RYR2: variants seen among roughly 807,000 people sequenced by gnomAD.
RYR2 encodes the protein cardiac muscle ryanodine receptor-calcium release channel.
A neutral mutation model predicts 601.1 loss-of-function variants in RYR2; 227 were observed. The observed-to-expected ratio is 0.38, with a 90% confidence interval of 0.34 to 0.42. The LOEUF (loss-of-function observed/expected upper bound fraction) is 0.42. RYR2 is among the 10% of genes least tolerant of loss of function. RYR2 has a pLI of 1.00. For synonymous variants in RYR2, 2,223 were observed against 2,175.1 expected (o/e 1.02, Z -0.61); for missense variants, 4,646 against 6,156.5 (o/e 0.75, Z 8.21).
At chr1:237,690,009 T>A (rs918613081) in intron 63 of RYR2, among the ~76,000 whole-genome samples, 22 of 152,178 alleles carry the variant, frequency 1.4e-4, no homozygotes, top group African/African-American at 5.3e-4. Context: ...CACACACGGC[T>A]AATTTTTAGT....
chr1:237,281,796 G>A (rs1690902244), intron 2 of RYR2, among the ~76,000 whole-genome samples: 1 of 152,182 alleles, frequency 6.6e-6, no homozygotes, highest in South Asian at 2.1e-4. Context: ...TACAGAATAG[G>A]GATTGTGGTT....
intron 10 of RYR2, among the ~76,000 whole-genome samples, chr1:237,390,976 T>TG (rs376159437): frequency 2.6e-4 from 39 of 152,168 alleles, no homozygotes; most frequent in Admixed American, 7.9e-4. Context: ...AGGGAGAAAA[T>TG]GAGTCAGCAG....
At chr1:237,120,310 T>C (rs1670632465) in intron 1 of RYR2, among the ~76,000 whole-genome samples, 1 of 152,202 alleles carries the variant, frequency 6.6e-6, no homozygotes, top group African/African-American at 2.4e-5. Context: ...ACTTTAGGAA[T>C]TATAGTGGCT....
At chr1:237,062,605 TA>T (rs2148253116) in intron 1 of RYR2, among the ~76,000 whole-genome samples, 1 of 152,330 alleles carries the variant, frequency 6.6e-6, no homozygotes, top group South Asian at 2.1e-4. Context: ...TTATTAATTC[TA>T]ATAGTTTATA....
Position 237,134,063 on chromosome 1 carries a change from A to T in RYR2, c.48+91494A>T, listed in dbSNP as rs531964417. On this transcript the variant is annotated intron_variant, in intron 1 of 104. Transcript: ENST00000366574. ...GGTCTGAAGTACCAAGCTCACTAGG[A>T]TGACTTCTGAATGATTCACCGCTGA... Among the ~76,000 whole-genome samples, 15 of 152,134 alleles carry T rather than the reference A, an allele frequency of 9.9e-5. No individual in the cohort carries two copies. In the South Asian group the frequency reaches 1.0e-3, roughly 11 times the overall value.
chr1:237,582,857 A>G (rs1674077660), intron 29 of RYR2, among the ~76,000 whole-genome samples: 1 of 151,700 alleles, frequency 6.6e-6, no homozygotes, highest in Non-Finnish European at 1.5e-5. Context: ...ACTATTCTGA[A>G]TCGTGCTGGG....
At chr1:237,095,373 T>C (rs1233888542) in intron 1 of RYR2, among the ~76,000 whole-genome samples, 1 of 152,146 alleles carries the variant, frequency 6.6e-6, no homozygotes, top group East Asian at 1.9e-4. Flanking sequence ...TGCAGCACTG[T>C]TGTGACATAG....
chr1:237,074,368 C>T (rs1328175375), intron 1 of RYR2, among the ~76,000 whole-genome samples: 1 of 152,092 alleles, frequency 6.6e-6, no homozygotes, highest in African/African-American at 2.4e-5. Flanking sequence ...GGCTATTGGG[C>T]AGCACTGCCA....
At chr1:237,492,900 G>GGAGGGAGA in intron 18 of RYR2, 54 bp from the exon 19 acceptor site, 2 of 1,364,642 alleles carry the variant, frequency 1.5e-6, no homozygotes, top group Admixed American at 2.1e-5. Context: ...AGGGAGGGAG[G>GGAGGGAGA]GAGGGAAAGC....
intron 97 of RYR2, among the ~76,000 whole-genome samples, chr1:237,801,367 C>CAAAAAAA (rs71162423): frequency 2.3e-4 from 22 of 95,470 alleles, no homozygotes; most frequent in East Asian, 1.5e-3. Context: ...CCCATCTCTA[C>CAAAAAAA]AAAAAAAAAA....
At chr1:237,690,548 A>T (rs911228306) in intron 63 of RYR2, among the ~76,000 whole-genome samples, 2 of 152,242 alleles carry the variant, frequency 1.3e-5, no homozygotes, top group Admixed American at 6.5e-5. Flanking sequence ...ATACTAAACT[A>T]GTAGACTTAG....
chr1:237,204,551 A>T (rs924812303), intron 1 of RYR2, among the ~76,000 whole-genome samples: 1 of 151,872 alleles, frequency 6.6e-6, no homozygotes, highest in African/African-American at 2.4e-5. Flanking sequence ...CTGCAAATGC[A>T]TTCAGGTGAC....
chr1:237,524,052 C>T (rs1403418050), intron 24 of RYR2, among the ~76,000 whole-genome samples: 1 of 152,140 alleles, frequency 6.6e-6, no homozygotes, highest in African/African-American at 2.4e-5. Context: ...CAATTCTACT[C>T]CTATGTATCT....
intron 27 of RYR2, chr1:237,555,303 G>T (rs1022401147): frequency 4.6e-5 from 7 of 151,984 alleles, no homozygotes; most frequent in Admixed American, 1.3e-4. Context: ...GCAAAAGAAG[G>T]GTGTAATAAT....
At chr1:237,781,216 A>G (rs1328833377) in intron 88 of RYR2, among the ~76,000 whole-genome samples, 5 of 151,922 alleles carry the variant, frequency 3.3e-5, no homozygotes, top group Admixed American at 3.3e-4. Flanking sequence ...GCCCAGATAA[A>G]TTTTTGTATT....
chr1:237,338,740 C>T (rs1016941202), intron 3 of RYR2, among the ~76,000 whole-genome samples: 1 of 152,136 alleles, frequency 6.6e-6, no homozygotes, highest in Non-Finnish European at 1.5e-5. Context: ...AGAGGCACTA[C>T]ATCGTAAAGC....
intron 56 of RYR2, among the ~76,000 whole-genome samples, chr1:237,662,580 T>C (rs981888247): frequency 1.3e-5 from 2 of 152,184 alleles, no homozygotes; most frequent in East Asian, 3.9e-4. Context: ...ATAAGGTAGA[T>C]TCTCCCACTG....
chr1:237,620,931 G>T (rs1679007720), intron 38 of RYR2, among the ~76,000 whole-genome samples: 1 of 152,002 alleles, frequency 6.6e-6, no homozygotes, highest in Admixed American at 6.5e-5. Flanking sequence ...ATCTACCAAG[G>T]TTTGTAGACT....
At chr1:237,124,076 T>C (rs540256332) in intron 1 of RYR2, among the ~76,000 whole-genome samples, 1 of 152,354 alleles carries the variant, frequency 6.6e-6, no homozygotes, top group Admixed American at 6.5e-5. Flanking sequence ...TACTTTGAGA[T>C]AGAGTTTCTA....
Sources: gnomAD v4.1 joint callset for allele counts (sites outside exome capture counted in the v4.1 genomes callset) on GRCh38, gnomAD v4.1.1 for gene constraint, MANE v1.5 for transcripts, NCBI Gene and HGNC (gene_info 2026-07-23, HGNC 2026-07-21) for gene names.